Variants in CHL1 observed in about 807,000 individuals in gnomAD.
The protein encoded by CHL1 is cell adhesion molecule L1 like, also known as neural cell adhesion molecule L1-like protein.
Under a neutral mutation model 141.9 loss-of-function variants are expected in CHL1, and 96 were observed. That is an observed-to-expected ratio of 0.68 (90% CI 0.57 to 0.80). CHL1 has a LOEUF of 0.80. Among genes scored for constraint, CHL1 ranks in the 30% least tolerant of loss-of-function variants. CHL1 has a pLI of 0.00. For missense variants in CHL1, 1,820 were observed against 1,457.2 expected, an observed-to-expected ratio of 1.25 and a Z score of -4.05; for synonymous variants, 613 against 502.2, an observed-to-expected ratio of 1.22 and a Z score of -2.95.
At chr3:366,358 C>G (rs984896704) in intron 15 of CHL1, among the ~76,000 whole-genome samples, 1 of 151,746 alleles carries the variant, frequency 6.6e-6, no homozygotes, top group Non-Finnish European at 1.5e-5. Context: ...GTGATCCCAG[C>G]TACTCGAGAG....
intron 5 of CHL1, among the ~76,000 whole-genome samples, chr3:335,613 G>A (rs1014117702): frequency 1.3e-5 from 2 of 152,150 alleles, no homozygotes; most frequent in Admixed American, 6.5e-5. Flanking sequence ...TCCTGTAAAC[G>A]GAGTGCCAAG....
chr3:324,519 C>T (rs1700844748), intron 3 of CHL1, among the ~76,000 whole-genome samples: 1 of 152,026 alleles, frequency 6.6e-6, no homozygotes. Flanking sequence ...GTTGTATTTC[C>T]AGCATTAGTA....
At position 341,955 on chromosome 3, in the gene CHL1, A is replaced by G. The variant is rs189131050; in HGVS notation, c.552A>G (p.Gln184=). Residue 184 remains glutamine, a synonymous_variant, in exon 7 of 28, where the codon CAA becomes CAG. Coordinates refer to ENST00000256509, the MANE Select transcript of CHL1 (RefSeq NM_006614.4). ...AAGATGAAAGAGTATACATGAGCCA[A>G]AAGGGAGATCTATACTTCGCAAACG... ...IEQDERVYMS[Q]KGDLYFANVE... 17 of 1,613,258 alleles carry G rather than the reference A, an allele frequency of 1.1e-5. No individual in the cohort carries two copies. In the Admixed American group the frequency reaches 2.8e-4, roughly 27 times the overall value.
intron 2 of CHL1, among the ~76,000 whole-genome samples, chr3:253,863 T>C (rs983086855): frequency 6.6e-6 from 1 of 152,192 alleles, no homozygotes; most frequent in African/African-American, 2.4e-5. Context: ...TAAAATTGCA[T>C]CTGTATTTCT....
intron 9 of CHL1, among the ~76,000 whole-genome samples, chr3:349,002 T>C (rs1037206493): frequency 2.0e-5 from 3 of 152,168 alleles, no homozygotes; most frequent in African/African-American, 7.2e-5. Context: ...CACTGGGAGA[T>C]TTTCACACTT....
chr3:387,205 T>A (rs146770254), intron 19 of CHL1, among the ~76,000 whole-genome samples: 43 of 152,282 alleles, frequency 2.8e-4, no homozygotes, highest in African/African-American at 8.9e-4. Context: ...ACTAACAATA[T>A]CATTGGTTTC....
chr3:361,907 T>C (rs1004858854), intron 13 of CHL1, 97 bp downstream of exon 13: 4 of 839,114 alleles, frequency 4.8e-6, no homozygotes, highest in Admixed American at 1.9e-5. Flanking sequence ...TGTGTCTATA[T>C]TGTTACATGT....
At chr3:330,536 G>A in intron 5 of CHL1, among the ~76,000 whole-genome samples, 2 of 152,150 alleles carry the variant, frequency 1.3e-5, no homozygotes, top group Middle Eastern at 6.8e-3. Flanking sequence ...TGTAATCTTT[G>A]TAGTGAAAGT....
chr3:253,636 T>C (rs975855616), intron 2 of CHL1, among the ~76,000 whole-genome samples: 1 of 152,224 alleles, frequency 6.6e-6, no homozygotes, highest in Non-Finnish European at 1.5e-5. Context: ...AGTTAACATG[T>C]ATTACTCACA....
At chr3:230,293 A>T (rs1701746039) in intron 1 of CHL1, among the ~76,000 whole-genome samples, 1 of 152,156 alleles carries the variant, frequency 6.6e-6, no homozygotes, top group Non-Finnish European at 1.5e-5. Flanking sequence ...CTTTTGTGTC[A>T]TTCACATTAA....
chr3:324,670 ACT>A (rs1441477084), intron 3 of CHL1, among the ~76,000 whole-genome samples: 6 of 150,970 alleles, frequency 4.0e-5, no homozygotes, highest in African/African-American at 1.5e-4. Context: ...AAAGAGTCTC[ACT>A]CTGTCACCCA....
chr3:339,374 A>G (rs1702186114), intron 5 of CHL1, among the ~76,000 whole-genome samples: 1 of 152,268 alleles, frequency 6.6e-6, no homozygotes, highest in Non-Finnish European at 1.5e-5. Context: ...TATACTAAAC[A>G]TACTTTCCCG....
At chr3:264,773 CCTT>C (rs1695019307) in intron 2 of CHL1, among the ~76,000 whole-genome samples, 1 of 152,198 alleles carries the variant, frequency 6.6e-6, no homozygotes, top group Non-Finnish European at 1.5e-5. Flanking sequence ...ACAACAAAGA[CCTT>C]CTGTCTCTTT....
chr3:382,706 T>C, intron 18 of CHL1, 35 bp downstream of exon 18: 1 of 1,556,208 alleles, frequency 6.4e-7, no homozygotes, highest in Non-Finnish European at 8.9e-7. Flanking sequence ...TCTAACAAAA[T>C]ATTTGTTTGT....
chr3:398,762 G>A (rs1249301458), intron 25 of CHL1, among the ~76,000 whole-genome samples: 1 of 152,126 alleles, frequency 6.6e-6, no homozygotes, highest in Non-Finnish European at 1.5e-5. Flanking sequence ...AACTTCATCT[G>A]CCTTCATTAT....
At chr3:310,206 G>C (rs527717649) in intron 2 of CHL1, among the ~76,000 whole-genome samples, 34 of 152,196 alleles carry the variant, frequency 2.2e-4, no homozygotes, top group Middle Eastern at 3.4e-3. Flanking sequence ...GAGGTGGGAG[G>C]ATCATTTAAG....
At chr3:229,312 G>T (rs1004472508) in intron 1 of CHL1, among the ~76,000 whole-genome samples, 1 of 151,996 alleles carries the variant, frequency 6.6e-6, no homozygotes, top group African/African-American at 2.4e-5. Flanking sequence ...GTAAAAAATG[G>T]CAGGAGAAAA....
chr3:205,255 C>T (rs918809099), intron 1 of CHL1, among the ~76,000 whole-genome samples: 8 of 151,906 alleles, frequency 5.3e-5, no homozygotes, highest in South Asian at 2.1e-4. Context: ...GGACTACAGA[C>T]GGGCACCATC....
intron 2 of CHL1, among the ~76,000 whole-genome samples, chr3:271,116 C>G (rs1425414788): frequency 6.6e-6 from 1 of 152,096 alleles, no homozygotes; most frequent in African/African-American, 2.4e-5. Context: ...AAAAATACTG[C>G]TCCAATCAAA....
Sources: allele counts gnomAD v4.1 joint callset (sites outside exome capture counted in the v4.1 genomes callset), GRCh38; gene constraint gnomAD v4.1.1; transcripts MANE v1.5; gene names NCBI Gene and HGNC (gene_info 2026-07-23, HGNC 2026-07-21).